SH3D21: variants seen among roughly 807,000 people sequenced by gnomAD.
The protein encoded by SH3D21 is manchette microtubule inner protein 1, also known as SH3 domain-containing protein 21.
SH3D21 carries 83 observed loss-of-function variants against 82.1 expected under a neutral mutation model. The observed-to-expected ratio is 1.01, with a 90% CI of 0.85 to 1.21. The LOEUF (loss-of-function observed/expected upper bound fraction) is 1.21, where lower values mean the gene tolerates loss of function less well. SH3D21 is among the 50% of genes most tolerant of loss of function. The probability of loss-of-function intolerance (pLI) is 0.00; values close to 1 mark genes in which losing one functional copy is unlikely to be tolerated. For synonymous variants in SH3D21, 383 were observed against 387.8 expected (o/e 0.99, Z 0.15); for missense variants, 980 against 962.1 (o/e 1.02, Z -0.25).
Position 36,320,280 on chromosome 1 carries a change from G to A in SH3D21, c.1617G>A (p.Gln539=). The part of the protein sequence containing the change: ...EAHTPEAPPP[Q]PPSSERCLGE... ...ACACGCCAGAGGCACCCCCACCCCA[G>A]CCTCCTTCCTCAGAGAGGTGCCTGG... Residue 539 remains glutamine (Q), a synonymous_variant, in exon 14 of 16, where the codon CAG becomes CAA. Transcript: ENST00000453908. 1 of 1,612,670 alleles carries A rather than the reference G, an allele frequency of 6.2e-7. No individual in the cohort carries two copies. Among genetic ancestry groups the A allele is most frequent in the Middle Eastern group, 1.7e-4 (1 of 6,058 alleles).
Position 36,319,784 on chromosome 1 carries a change from C to G in SH3D21, c.1121C>G (p.Ser374Cys), listed in dbSNP as rs761059945. Residue 374 changes from serine to cysteine, a missense_variant, in exon 14 of 16, where the codon TCC becomes TGC. Ser to Cys is a moderately radical substitution (Grantham distance 112). Transcript: ENST00000453908. ...CCAGCTCCAGAGAACGCCCCCAGCT[C>G]CAAGAAGATCCCGGCTCCTGACAAA... ...RPPAPENAPS[S>C]KKIPAPDKVP... 18 of 1,613,644 alleles carry G rather than the reference C, an allele frequency of 1.1e-5. No individual in the cohort carries two copies. The highest frequency in any genetic ancestry group is 3.3e-5 in the Admixed American group (2 of 59,956).
chr1:36,313,192 C>T (rs574179893), intron 10 of SH3D21, among the ~76,000 whole-genome samples: 1 of 152,220 alleles, frequency 6.6e-6, no homozygotes, highest in South Asian at 2.1e-4. Context: ...GGCATGGTGG[C>T]ACATGCCTGT....
intron 10 of SH3D21, among the ~76,000 whole-genome samples, chr1:36,313,972 C>T (rs10908296): frequency 0.027 from 971 of 36,408 alleles, 10 homozygotes; most frequent in Middle Eastern, 0.091. Context: ...AACATATTTT[C>T]TTTTTTTTTT....
chr1:36,315,485 G>A (rs1646326482), intron 10 of SH3D21, among the ~76,000 whole-genome samples: 2 of 151,976 alleles, frequency 1.3e-5, no homozygotes, highest in African/African-American at 2.4e-5. Context: ...GAGTAGCTGG[G>A]ATTACAGGCA....
chr1:36,322,795 C>A, downstream of SH3D21: 1 of 1,510,974 alleles, frequency 6.6e-7, no homozygotes, highest in East Asian at 2.4e-5. Flanking sequence ...CCGAAAGACC[C>A]CAGGTTCTAG....
chr1:36,318,296 A>G (rs1166907116), intron 10 of SH3D21, among the ~76,000 whole-genome samples: 3 of 152,192 alleles, frequency 2.0e-5, no homozygotes, highest in Non-Finnish European at 4.4e-5. Context: ...GGATATGTTA[A>G]GAGTGTGATG....
chr1:36,325,967 G>A (rs1254752940), downstream of SH3D21, among the ~76,000 whole-genome samples: 2 of 152,206 alleles, frequency 1.3e-5, no homozygotes, highest in African/African-American at 4.8e-5. Context: ...TAAGTGCTGG[G>A]GGGCATGACA....
At chr1:36,326,657 G>T (rs1382257735), downstream of SH3D21, among the ~76,000 whole-genome samples, 3 of 152,206 alleles carry the variant, frequency 2.0e-5, no homozygotes, top group African/African-American at 7.2e-5. Flanking sequence ...GCCACTGTGG[G>T]CAAGAAGGGG....
At chr1:36,325,826 G>A (rs1646537981), downstream of SH3D21, among the ~76,000 whole-genome samples, 1 of 152,216 alleles carries the variant, frequency 6.6e-6, no homozygotes. Flanking sequence ...TTACGGGCGT[G>A]AGCCACCGCG....
chr1:36,327,769 C>T (rs1478072345), downstream of SH3D21: 1 of 1,249,662 alleles, frequency 8.0e-7, no homozygotes, highest in African/African-American at 1.5e-5. Flanking sequence ...GCAGCCTTGC[C>T]CTGGAGGGTT....
chr1:36,320,255 A>G lies in SH3D21; in HGVS notation c.1592A>G (p.His531Arg). 4 of 1,613,004 alleles carry G rather than the reference A, an allele frequency of 2.5e-6. No individual in the cohort carries two copies. In the South Asian group the frequency reaches 4.4e-5, roughly 18 times the overall value. ...GATCCATCATCCCAGGAGGAGGCCC[A>G]CACGCCAGAGGCACCCCCACCCCAG... The part of the protein sequence containing the change: ...KEDPSSQEEA[H>R]TPEAPPPQPP... The change falls in exon 14 of 16, where the codon CAC becomes CGC. Residue 531 changes from histidine (H) to arginine (R), a missense_variant. His to Arg is a conservative substitution (Grantham distance 29). Coordinates refer to ENST00000453908, the MANE Select transcript of SH3D21 (RefSeq NM_001162530.2).
At chr1:36,316,759 CTCTCT>C (rs1266090114) in intron 10 of SH3D21, among the ~76,000 whole-genome samples, 6 of 136,070 alleles carry the variant, frequency 4.4e-5, no homozygotes, top group South Asian at 2.4e-4. Flanking sequence ...CTTCAGTTCT[CTCTCT>C]TTTTTTTTTT....
In SH3D21 at chr1:36,319,956, C is replaced by T; in HGVS notation, c.1293C>T (p.Asn431=). 6.2e-7 allele frequency: 1 copy of T among 1,614,152 alleles called. No homozygotes were observed. The highest frequency in any genetic ancestry group is 8.5e-7 in the Non-Finnish European group (1 of 1,180,024). The change falls in exon 14 of 16, where the codon AAC becomes AAT. Residue 431 remains asparagine (N), a synonymous_variant. Coordinates refer to ENST00000453908, the MANE Select transcript of SH3D21 (RefSeq NM_001162530.2). ...AGGACAAGGCTTCTATCCCAGAGAA[C>T]TCCATCATCCCAGAGGAGACCCTGA... ...TPEDKASIPE[N]SIIPEETLTV...
chr1:36,322,319 G>T, downstream of SH3D21: 1 of 1,556,350 alleles, frequency 6.4e-7, no homozygotes. Flanking sequence ...TGCGGCCCAG[G>T]GTGCCCGTGG....
Position 36,320,971 on chromosome 1 carries a change from G to C in SH3D21, c.2192G>C (p.Arg731Pro), listed in dbSNP as rs764705000. The stretch of plus-strand genomic sequence containing the variant: ...AAGAGCGAGAAGGAGCAGCGCCGGC[G>C]GCTGGAGGTGAGGCGCGGGTCCCGG... ...ELKSEKEQRR[R>P]LEVQVMQGTQ... The change falls in exon 15 of 16, where the codon CGG (arginine) becomes CCG (proline). Residue 731 changes from arginine (R) to proline (P), a missense_variant. Physicochemically the swap from Arg to Pro is moderately radical, Grantham distance 103. Coordinates refer to ENST00000453908, the MANE Select transcript of SH3D21 (RefSeq NM_001162530.2). The C allele has an allele frequency of 7.0e-6, 11 of 1,571,274 alleles. No individual in the cohort carries two copies. In the African/African-American group the frequency reaches 1.5e-4, roughly 21 times the overall value.
chr1:36,323,043 T>C (rs1456937470), downstream of SH3D21: 11 of 1,599,414 alleles, frequency 6.9e-6, no homozygotes, highest in Admixed American at 1.8e-5. Context: ...TCCATGCTGC[T>C]CTGGGGGGCA....
Position 36,319,252 on chromosome 1 carries a change from T to C in SH3D21, c.864-8T>C, listed in dbSNP as rs928137580. 1.3e-6 allele frequency: 2 copies of C among 1,551,424 alleles called. No homozygotes were observed. The highest frequency in any genetic ancestry group is 1.7e-6 in the Non-Finnish European group (2 of 1,146,968). ...CCACCCTGAGGGCCTGATGAAGATA[T>C]GTTCCAGGACATCTCGGACACCCAG... On this transcript the variant is annotated splice_polypyrimidine_tract_variant and splice_region_variant and intron_variant, in intron 11 of 15. Transcript: ENST00000453908.
intron 10 of SH3D21, among the ~76,000 whole-genome samples, chr1:36,317,024 C>T (rs559358906): frequency 6.6e-6 from 1 of 152,132 alleles, no homozygotes; most frequent in Non-Finnish European, 1.5e-5. Flanking sequence ...TCCAATGGTG[C>T]CTCAAAATTG....
Position 36,306,949 on chromosome 1 carries a change from G to C in SH3D21, c.226+44G>C. 7.5e-7 allele frequency: 1 copy of C among 1,336,880 alleles called. No homozygotes were observed. The highest frequency in any genetic ancestry group is 9.7e-7 in the Non-Finnish European group (1 of 1,034,492). 82.8% of individuals were successfully genotyped at this position (1,336,880 alleles called of 1,614,324 possible). A position where few individuals can be genotyped will look rare whatever the true frequency, so the allele number is the denominator to read the frequency against. On this transcript the variant is annotated intron_variant, in intron 3 of 15. Coordinates refer to ENST00000453908, the MANE Select transcript of SH3D21 (RefSeq NM_001162530.2). The surrounding 1 kb of genome is among the most constrained non-coding windows in gnomAD (Gnocchi z 4.5). ...ACGGGCGCCGGTGGGCGGGTGCACG[G>C]AGCCAGTGCGACCCCGGCGTCTCCG...
Sources: allele counts gnomAD v4.1 joint callset (sites outside exome capture counted in the v4.1 genomes callset), GRCh38; gene constraint gnomAD v4.1.1; non-coding constraint Gnocchi (gnomAD v3.1); transcripts MANE v1.5; gene names NCBI Gene and HGNC (gene_info 2026-07-23, HGNC 2026-07-21).